NLGN1: variants seen among roughly 807,000 people sequenced by gnomAD.
NLGN1 encodes the protein neuroligin-1.
Under a neutral mutation model 65.5 loss-of-function variants are expected in NLGN1, and 12 were observed. The observed-to-expected ratio is 0.18, with a 90% CI of 0.12 to 0.30. The LOEUF (loss-of-function observed/expected upper bound fraction) is 0.30, where lower values mean the gene tolerates loss of function less well. NLGN1 is among the 10% of genes least tolerant of loss of function. The pLI, the probability that NLGN1 is intolerant of heterozygous loss-of-function variation, is 1.00. For missense variants in NLGN1, 750 were observed against 1,007.1 expected, an observed-to-expected ratio of 0.74 and a Z score of 3.46; for synonymous variants, 350 against 359.5, an observed-to-expected ratio of 0.97 and a Z score of 0.30.
intron 4 of NLGN1, among the ~76,000 whole-genome samples, chr3:173,916,935 CTTGTTTTGTGTAAATGTGGGTGTTTTGTT>C (rs1740857405): frequency 6.6e-6 from 1 of 152,106 alleles, no homozygotes; most frequent in Non-Finnish European, 1.5e-5. Context: ...GAAAAGCAGA[CTTGTTTTGTGTAAATGTGGGTGTTTTGTT>C]TTGTTTTCCA....
chr3:173,726,615 T>C (rs184458048), intron 3 of NLGN1, among the ~76,000 whole-genome samples: 93 of 152,234 alleles, frequency 6.1e-4, no homozygotes, highest in African/African-American at 2.2e-3. Context: ...CTGTCACCTT[T>C]CTCTAAACCT....
chr3:174,016,321 A>C (rs1726546827), intron 4 of NLGN1, among the ~76,000 whole-genome samples: 1 of 152,218 alleles, frequency 6.6e-6, no homozygotes, highest in South Asian at 2.1e-4. Flanking sequence ...GCCAGACTCT[A>C]AAAGTACACG....
intron 4 of NLGN1, among the ~76,000 whole-genome samples, chr3:174,221,101 C>T (rs1332003425): frequency 1.3e-5 from 2 of 152,168 alleles, no homozygotes; most frequent in Admixed American, 1.3e-4. Flanking sequence ...TTATTGCCTA[C>T]TATTTAAACT....
chr3:174,197,476 T>C (rs1392908161), intron 4 of NLGN1, among the ~76,000 whole-genome samples: 1 of 135,864 alleles, frequency 7.4e-6, no homozygotes, highest in Non-Finnish European at 1.5e-5. Context: ...CTCAAGACTT[T>C]ATAAAAGGAG....
intron 4 of NLGN1, among the ~76,000 whole-genome samples, chr3:174,111,886 A>G (rs940794658): frequency 2.0e-5 from 3 of 151,990 alleles, no homozygotes; most frequent in Non-Finnish European, 4.4e-5. Context: ...TTCCATGCAT[A>G]TTAAATCCAG....
intron 4 of NLGN1, among the ~76,000 whole-genome samples, chr3:173,861,670 G>A (rs560512174): frequency 5.9e-5 from 9 of 151,562 alleles, no homozygotes; most frequent in African/African-American, 1.7e-4. Flanking sequence ...ATTACCAATA[G>A]AACAATTTAA....
At chr3:173,785,175 A>G (rs914349551) in intron 3 of NLGN1, among the ~76,000 whole-genome samples, 3 of 152,182 alleles carry the variant, frequency 2.0e-5, no homozygotes, top group Non-Finnish European at 4.4e-5. Context: ...TGCACTCGGC[A>G]GGGGGCCAAG....
chr3:173,929,427 G>C (rs1044225098), intron 4 of NLGN1, among the ~76,000 whole-genome samples: 1 of 152,026 alleles, frequency 6.6e-6, no homozygotes, highest in East Asian at 1.9e-4. Flanking sequence ...GGATATTGCA[G>C]GTTGTCAGAT....
intron 2 of NLGN1, chr3:173,584,784 A>AGG (rs1478707750): frequency 6.0e-5 from 6 of 100,748 alleles, no homozygotes; most frequent in Non-Finnish European, 8.3e-5. Flanking sequence ...TGAATAAAAA[A>AGG]GGAGGGGGGG....
At chr3:173,926,955 A>G (rs1222700627) in intron 4 of NLGN1, among the ~76,000 whole-genome samples, 1 of 152,074 alleles carries the variant, frequency 6.6e-6, no homozygotes, top group Non-Finnish European at 1.5e-5. Flanking sequence ...CTTTCTTACC[A>G]CTTTCTCTTT....
intron 2 of NLGN1, among the ~76,000 whole-genome samples, chr3:173,495,486 T>G (rs1450671242): frequency 6.6e-6 from 1 of 151,592 alleles, no homozygotes; most frequent in African/African-American, 2.4e-5. Flanking sequence ...TTTCTCTTAT[T>G]GCAATGAGTA....
intron 2 of NLGN1, among the ~76,000 whole-genome samples, chr3:173,516,329 A>C (rs2149114488): frequency 6.6e-6 from 1 of 152,122 alleles, no homozygotes; most frequent in South Asian, 2.1e-4. Flanking sequence ...AACTCTCTTG[A>C]GTTCTAGCTC....
intron 4 of NLGN1, among the ~76,000 whole-genome samples, chr3:173,898,278 G>A (rs1050697805): frequency 5.3e-5 from 8 of 152,126 alleles, no homozygotes; most frequent in Non-Finnish European, 8.8e-5. Flanking sequence ...AGTAAACATA[G>A]GAAAGAGTTT....
At chr3:173,500,952 C>A (rs1219182201) in intron 2 of NLGN1, among the ~76,000 whole-genome samples, 1 of 152,100 alleles carries the variant, frequency 6.6e-6, no homozygotes, top group East Asian at 1.9e-4. Flanking sequence ...CTGCACTTAA[C>A]ACGTTGCTTG....
intron 4 of NLGN1, among the ~76,000 whole-genome samples, chr3:173,881,078 C>T (rs1319312699): frequency 6.7e-6 from 1 of 150,110 alleles, no homozygotes; most frequent in Non-Finnish European, 1.5e-5. Flanking sequence ...GTCACATCTT[C>T]AGGCTCCCTC....
chr3:173,742,247 C>T (rs1774763583), intron 3 of NLGN1, among the ~76,000 whole-genome samples: 1 of 152,026 alleles, frequency 6.6e-6, no homozygotes, highest in Admixed American at 6.6e-5. Flanking sequence ...TCAAGAAGGA[C>T]ACTGGGGAAG....
At chr3:173,955,785 A>G (rs1711863807) in intron 4 of NLGN1, among the ~76,000 whole-genome samples, 1 of 152,152 alleles carries the variant, frequency 6.6e-6, no homozygotes, top group Admixed American at 6.5e-5. Context: ...TTAACTGCCA[A>G]GATGTAATCT....
intron 4 of NLGN1, among the ~76,000 whole-genome samples, chr3:174,225,702 G>T (rs910758508): frequency 4.0e-5 from 6 of 151,738 alleles, no homozygotes; most frequent in African/African-American, 1.5e-4. Flanking sequence ...CTGCACTCCA[G>T]CCTGGGGGAC....
intron 2 of NLGN1, among the ~76,000 whole-genome samples, chr3:173,574,781 A>G (rs929677650): frequency 6.6e-6 from 1 of 152,198 alleles, no homozygotes; most frequent in African/African-American, 2.4e-5. Context: ...TTTAGCCCAT[A>G]TGTCACAGTT....
Sources: gnomAD v4.1 joint callset for allele counts (sites outside exome capture counted in the v4.1 genomes callset) on GRCh38, gnomAD v4.1.1 for gene constraint, MANE v1.5 for transcripts, NCBI Gene and HGNC (gene_info 2026-07-23, HGNC 2026-07-21) for gene names.